The following TTN variants were observed in gnomAD, a reference collection of about 807,000 sequenced individuals.
The protein encoded by TTN is titin.
A neutral mutation model predicts 3,223.0 loss-of-function variants in TTN; 1,525 were observed. That is an observed-to-expected ratio of 0.47 (90% CI 0.45 to 0.49). TTN has a LOEUF of 0.49. Among genes scored for constraint, TTN ranks in the 20% least tolerant of loss-of-function variants. The pLI is 0.00. For missense variants in TTN, 40,786 were observed against 43,424.0 expected, an observed-to-expected ratio of 0.94 and a Z score of 5.40; for synonymous variants, 14,094 against 15,161.0, an observed-to-expected ratio of 0.93 and a Z score of 5.17.
chr2:178,590,388 C>A lies in TTN; in HGVS notation c.61337G>T (p.Arg20446Leu), dbSNP rs368278158. 3.1e-6 allele frequency: 5 copies of A among 1,596,178 alleles called. No individual in the cohort carries two copies. The highest frequency in any genetic ancestry group is 2.2e-5 in the East Asian group (1 of 44,596). ...TCCTACAATATTAGCTGCCTTTATA[C>A]GGAATCTGTACTCATTTCCTTCAAT... is the stretch of plus-strand genomic sequence containing the variant. ...GLIEGNEYRF[R>L]IKAANIVGEG... Residue 20446 changes from arginine to leucine, a missense_variant, in exon 304 of 363, where the codon CGT becomes CTT. Physicochemically the swap from Arg to Leu is moderately radical, Grantham distance 102. Coordinates refer to ENST00000589042, the MANE Select transcript of TTN (RefSeq NM_001267550.2).
At chr2:178,720,310 G>A (rs531024129) in intron 80 of TTN, 46 bp from the exon 81 acceptor site, 24 of 1,593,768 alleles carry the variant, frequency 1.5e-5, no homozygotes, top group Middle Eastern at 1.7e-4. Context: ...TGAGAATCAT[G>A]GCCACACAAG....
rs778228033 is a variant in TTN, at chr2:178,731,401, G to C, written c.17365C>G (p.Leu5789Val). Reference protein sequence around the residue: ...TFENNVASLYLSGIEVKHDGK... With the variant: ...TFENNVASLYVSGIEVKHDGK... The stretch of plus-strand genomic sequence containing the variant: ...TCATGCTTGACTTCAATGCCACTGA[G>C]GTACAAACTGGCCACATTGTTCTCA... Residue 5789 changes from leucine to valine, a missense_variant, in exon 59 of 363, where the codon CTC becomes GTC. Physicochemically the swap from Leu to Val is conservative, Grantham distance 32. Coordinates refer to ENST00000589042, the MANE Select transcript of TTN (RefSeq NM_001267550.2). 1 of 1,613,722 alleles carries C rather than the reference G, an allele frequency of 6.2e-7. No homozygotes were observed. The highest frequency in any genetic ancestry group is 1.7e-5 in the Admixed American group (1 of 60,000).
intron 47 of TTN, chr2:178,748,095 C>A: frequency 6.2e-7 from 1 of 1,613,110 alleles, no homozygotes; most frequent in South Asian, 1.1e-5. Context: ...TCACTTGCTG[C>A]TTTTTTCAAA....
In TTN at chr2:178,741,822, G is replaced by A. The variant is rs767194544; in HGVS notation, c.11411C>T (p.Ser3804Phe). Residue 3804 changes from serine (S) to phenylalanine (F), a missense_variant, in exon 48 of 363, where the codon TCT (serine) becomes TTT (phenylalanine). Transcript: ENST00000589042. ...ATCAAATTTAGTTGGGTAAACTGGA[G>A]ATTCAGACAAAAGTTCAAGTGTTTC... ...INETLELLSE[S>F]PVYPTKFDSE... is the part of the protein sequence containing the mutation. The A allele has an allele frequency of 1.9e-6, 3 of 1,612,146 alleles. No homozygotes were observed. The highest frequency in any genetic ancestry group is 2.5e-6 in the Non-Finnish European group (3 of 1,179,138).
rs2068597764 is a variant in TTN at position 178,678,464 on chromosome 2, T to G, written c.33860A>C (p.Lys11287Thr). 1 of 1,596,330 alleles carries G rather than the reference T, an allele frequency of 6.3e-7. No individual in the cohort carries two copies. The highest frequency in any genetic ancestry group is 1.1e-5 in the South Asian group (1 of 87,244). ...PEVPKKPVPE[K>T]KVPVPAPKKV... ...CTTAGGAGCAGGAACTGGCACCTTC[T>G]TCTCAGGCACAGGCTTCTTGGGTAC... The change falls in exon 144 of 363, where the codon AAG becomes ACG. Residue 11287 changes from lysine (K) to threonine (T), a missense_variant. Lys to Thr is a moderately conservative substitution (Grantham distance 78). Transcript: ENST00000589042.
Position 178,543,429 on chromosome 2 carries a change from C to T in TTN, c.96544G>A (p.Glu32182Lys). The T allele has an allele frequency of 1.9e-6, 3 of 1,613,764 alleles. No homozygotes were observed. The highest frequency in any genetic ancestry group is 2.2e-5 in the East Asian group (1 of 44,838). ...GTMYYFRVLP[E>K]NIYGIGEPCE... is the part of the protein sequence containing the mutation. ...GGTTCTCCAATGCCATAAATATTTT[C>T]TGGCAGCACTCTGAAATAGTACATG... Residue 32182 changes from glutamate (E) to lysine (K), a missense_variant, in exon 347 of 363, where the codon GAA (glutamate) becomes AAA (lysine). Physicochemically the swap from Glu to Lys is moderately conservative, Grantham distance 56. Transcript: ENST00000589042.
chr2:178,634,570 C>G lies in TTN; in HGVS notation c.42211G>C (p.Ala14071Pro). 3 of 1,613,338 alleles carry G rather than the reference C, an allele frequency of 1.9e-6. No individual in the cohort carries two copies. Among genetic ancestry groups the G allele is most frequent in the Non-Finnish European group, 2.5e-6 (3 of 1,179,516 alleles). ...KDVTVPERRQ[A>P]RFECVLTREA... ...CGGGTGAGGACACATTCGAATCGAG[C>G]CTGTCGCCTTTCTGGAACAGTGACA... Residue 14071 changes from alanine (A) to proline (P), a missense_variant, in exon 230 of 363, where the codon GCT (alanine) becomes CCT (proline). Coordinates refer to ENST00000589042, the MANE Select transcript of TTN (RefSeq NM_001267550.2). This position sits in a 1 kb window ranked among gnomAD's most constrained non-coding sequence, Gnocchi z 4.6.
At position 178,590,242 on chromosome 2, in the gene TTN, G is replaced by A. The variant is rs370128504; in HGVS notation, c.61483C>T (p.Arg20495Cys). 41 of 1,588,594 alleles carry A rather than the reference G, an allele frequency of 2.6e-5. No individual in the cohort carries two copies. Among genetic ancestry groups the A allele is most frequent in the South Asian group, 8.2e-5 (7 of 85,810 alleles). Residue 20495 changes from arginine to cysteine, a missense_variant, in exon 304 of 363, where the codon CGC becomes TGC. Transcript: ENST00000589042. The stretch of plus-strand genomic sequence containing the variant: ...CTGCCTTTGACTCGAGCTAGAATGC[G>A]GATAGTTTGGCCTACTCTCACGGTA... ...VITVRVGQTI[R>C]ILARVKGRPE...
rs568118432 is a variant in TTN at position 178,736,767 on chromosome 2, G to A, written c.14372-693C>T. On this transcript the variant is annotated intron_variant, in intron 49 of 362. Coordinates refer to ENST00000589042, the MANE Select transcript of TTN (RefSeq NM_001267550.2). ...TTTGAGTAAAGAAACTTCCAAACGC[G>A]TCAGTATGAATAATATCATGTACTT... Among the ~76,000 whole-genome samples the A allele has an allele frequency of 3.3e-5, 5 of 152,132 alleles. No individual in the cohort carries two copies. The East Asian group carries it at 5.8e-4, about 18-fold the overall frequency.
chr2:178,619,200 T>A (rs1187509875), intron 250 of TTN: 1 of 359,546 alleles, frequency 2.8e-6, no homozygotes, highest in Non-Finnish European at 5.0e-6. Flanking sequence ...CAGAGAAACT[T>A]TTTTCTTATG....
At chr2:178,600,444 T>TATA (rs2053076550) in intron 288 of TTN, 1 of 167,780 alleles carries the variant, frequency 6.0e-6, no homozygotes, top group Non-Finnish European at 1.3e-5. Context: ...TATATATACT[T>TATA]CATTAAAATG....
intron 43 of TTN, among the ~76,000 whole-genome samples, chr2:178,760,327 C>T (rs1210763607): frequency 2.0e-5 from 3 of 152,066 alleles, no homozygotes; most frequent in African/African-American, 2.4e-5. Context: ...GTCAGGAGTT[C>T]GAGAACAGCC....
rs369062122 is a variant in TTN at position 178,562,002 on chromosome 2, T to C, written c.84130A>G (p.Ile28044Val). Reference protein sequence around the residue: ...ELCVSNSAGSITVPITIIVLD... With the variant: ...ELCVSNSAGSVTVPITIIVLD... Reference sequence around the variant, plus strand: ...ACAATTATAGTAATAGGAACTGTTATGGATCCAGCACTGTTTGAAACACAT... The same window carrying C: ...ACAATTATAGTAATAGGAACTGTTACGGATCCAGCACTGTTTGAAACACAT... Residue 28044 changes from isoleucine (I) to valine (V), a missense_variant, in exon 326 of 363, where the codon ATA becomes GTA. Transcript: ENST00000589042. The C allele has an allele frequency of 8.1e-6, 13 of 1,613,410 alleles. No individual in the cohort carries two copies. The African/African-American group carries it at 1.1e-4, about 13-fold the overall frequency.
chr2:178,785,477 G>T, intron 15 of TTN, 143 bp downstream of exon 15: 1 of 1,231,484 alleles, frequency 8.1e-7, no homozygotes, highest in Non-Finnish European at 1.1e-6. Context: ...TAGGGTGTCT[G>T]GGCCCACTGT....
At chr2:178,639,473 C>A (rs1417624042) in intron 223 of TTN, among the ~76,000 whole-genome samples, 2 of 151,976 alleles carry the variant, frequency 1.3e-5, no homozygotes, top group African/African-American at 4.8e-5. Context: ...AATGGTGCAA[C>A]CCAGGAACGT....
chr2:178,784,607 C>T (rs1234517525), intron 15 of TTN, among the ~76,000 whole-genome samples: 1 of 152,140 alleles, frequency 6.6e-6, no homozygotes, highest in African/African-American at 2.4e-5. Flanking sequence ...TATTTTACAG[C>T]TTTTATCATA....
rs72648986 is a variant in TTN, at chr2:178,717,336, A to T, written c.25398T>A (p.Asp8466Glu). The stretch of plus-strand genomic sequence containing the variant: ...AAGTACCACTTTCTCCAAGAGCAAG[A>T]TCTACTGATACAGGCTTTAGATCAA... The part of the protein sequence containing the change: ...PFFDLKPVSV[D>E]LALGESGTFK... The change falls in exon 88 of 363, where the codon GAT becomes GAA. Residue 8466 changes from aspartate (D) to glutamate (E), a missense_variant. Physicochemically the swap from Asp to Glu is conservative, Grantham distance 45. Coordinates refer to ENST00000589042, the MANE Select transcript of TTN (RefSeq NM_001267550.2). 10,652 of 1,613,454 alleles carry T rather than the reference A, an allele frequency of 6.6e-3. 319 individuals are homozygous for T. In the African/African-American group the frequency reaches 0.076, roughly 11 times the overall value.
Position 178,804,594 on chromosome 2 carries a change from C to T in TTN, c.49G>A (p.Val17Ile). ...AAGGTTGCGGTACTACCCTCCAGTACCACAACGCTTTGTAACGGCTGCGTA... is the reference window on the plus strand; with the variant it reads ...AAGGTTGCGGTACTACCCTCCAGTATCACAACGCTTTGTAACGGCTGCGTA... ...TFTQPLQSVVVLEGSTATFEA... is the reference protein window; with the variant it reads ...TFTQPLQSVVILEGSTATFEA... Residue 17 changes from valine (V) to isoleucine (I), a missense_variant, in exon 2 of 363, where the codon GTA becomes ATA. Transcript: ENST00000589042. 6.2e-7 allele frequency: 1 copy of T among 1,614,030 alleles called. No homozygotes were observed. Among genetic ancestry groups the T allele is most frequent in the East Asian group, 2.2e-5 (1 of 44,866 alleles).
chr2:178,530,773 G>A lies in TTN; in HGVS notation c.105842C>T (p.Pro35281Leu), dbSNP rs555018034. ...AGTAATCTTTGGTGGGGCAGAGACTGGGAGGTGCTGAACTTTCTCTGTTGG... is the reference window on the plus strand; with the variant it reads ...AGTAATCTTTGGTGGGGCAGAGACTAGGAGGTGCTGAACTTTCTCTGTTGG... Reference protein sequence around the residue: ...PTPTEKVQHLPVSAPPKITQF... With the variant: ...PTPTEKVQHLLVSAPPKITQF... The change falls in exon 358 of 363, where the codon CCA becomes CTA. Residue 35281 changes from proline (P) to leucine (L), a missense_variant. By Grantham distance (98) the Pro-to-Leu change is moderately conservative. Transcript: ENST00000589042. 1 of 1,613,842 alleles carries A rather than the reference G, an allele frequency of 6.2e-7. No individual in the cohort carries two copies. Among genetic ancestry groups the A allele is most frequent in the African/African-American group, 1.3e-5 (1 of 74,992 alleles).
Sources: allele counts gnomAD v4.1 joint callset (sites outside exome capture counted in the v4.1 genomes callset), GRCh38; gene constraint gnomAD v4.1.1; non-coding constraint Gnocchi (gnomAD v3.1); transcripts MANE v1.5; gene names NCBI Gene and HGNC (gene_info 2026-07-23, HGNC 2026-07-21).